The following ATRX variants were observed in gnomAD, a reference collection of about 807,000 sequenced individuals.
ATRX encodes ATRX chromatin remodeler.
A neutral mutation model predicts 172.6 loss-of-function variants in ATRX; 12 were observed. That is an observed-to-expected ratio of 0.07 (90% CI 0.04 to 0.11). ATRX has a LOEUF of 0.11. Ranked by LOEUF, ATRX falls within the 10% of genes least tolerant of loss-of-function variation. The pLI is 1.00. For missense variants in ATRX, 1,368 were observed against 1,767.4 expected, an observed-to-expected ratio of 0.77 and a Z score of 4.05; for synonymous variants, 674 against 594.7, an observed-to-expected ratio of 1.13 and a Z score of -1.94.
intron 19 of ATRX, among the ~76,000 whole-genome samples, chrX:77,624,161 C>T (rs925101557): frequency 5.4e-5 from 6 of 110,984 alleles, no homozygotes; most frequent in African/African-American, 2.0e-4. Flanking sequence ...GTCAGGAGAT[C>T]GAGACCATCC....
chrX:77,630,153 T>C (rs1278489589), intron 19 of ATRX, among the ~76,000 whole-genome samples: 1 of 111,619 alleles, frequency 9.0e-6, no homozygotes, highest in Non-Finnish European at 1.9e-5. Flanking sequence ...ATAAAATATT[T>C]AGGAATAAAT....
chrX:77,617,701 T>G (rs190462430), intron 21 of ATRX, among the ~76,000 whole-genome samples: 1 of 110,504 alleles, frequency 9.0e-6, no homozygotes, highest in East Asian at 2.8e-4. Flanking sequence ...CAATCATCCA[T>G]TTTTTTCTTA....
chrX:77,545,332 T>C (rs1411842408), intron 30 of ATRX, among the ~76,000 whole-genome samples: 2 of 111,884 alleles, frequency 1.8e-5, no homozygotes, highest in African/African-American at 6.5e-5. Context: ...GAAAAGGCAA[T>C]ATGAATTCCA....
chrX:77,735,032 C>T (rs2074478538), intron 1 of ATRX, among the ~76,000 whole-genome samples: 1 of 109,465 alleles, frequency 9.1e-6, no homozygotes, highest in South Asian at 3.9e-4. Context: ...GCAGAGGTTG[C>T]AGTGAGCCCA....
chrX:77,784,955 C>A (rs2076683741), intron 1 of ATRX, among the ~76,000 whole-genome samples: 1 of 111,848 alleles, frequency 8.9e-6, no homozygotes, highest in Non-Finnish European at 1.9e-5. Flanking sequence ...TTACTTAATT[C>A]ACATTGTGGG....
rs782609211 is a variant in ATRX, at chrX:77,772,149, T to A, written c.20+13833A>T. On this transcript the variant is annotated intron_variant, in intron 1 of 34. Transcript: ENST00000373344. ...GTCTCTACTAAAACTACAAAAAAAA[T>A]TAGCTGGGCACGGTGGCATACGCCT... Among the ~76,000 whole-genome samples the A allele has an allele frequency of 2.3e-3, 249 of 108,376 alleles. 1 individual carries two copies. Among genetic ancestry groups the A allele is most frequent in the Non-Finnish European group, 4.2e-3 (218 of 52,267 alleles). The allele number at this position is 108,376 out of a possible 115,157, so 94.1% of individuals were successfully genotyped here.
rs907150983 is a variant in ATRX at position 77,587,756 on chromosome X, C to T, written c.6217+2078G>A. On this transcript the variant is annotated intron_variant, in intron 27 of 34. Transcript: ENST00000373344. The stretch of plus-strand genomic sequence containing the variant: ...CTCAGCCTCAGAAATAAAATATGTA[C>T]AAATACATTTAACAAAAGTGTAAAA... 8.0e-5 allele frequency among the ~76,000 whole-genome samples: 9 copies of T among 112,163 alleles called. No individual in the cohort carries two copies. In the South Asian group the frequency reaches 1.8e-3, roughly 23 times the overall value.
chrX:77,780,080 A>G (rs1336435718), intron 1 of ATRX, among the ~76,000 whole-genome samples: 2 of 112,109 alleles, frequency 1.8e-5, no homozygotes, highest in African/African-American at 3.2e-5. Flanking sequence ...CTAAGCCACA[A>G]TAATTACCAA....
At chrX:77,733,851 T>C (rs982510521) in intron 1 of ATRX, among the ~76,000 whole-genome samples, 8 of 104,135 alleles carry the variant, frequency 7.7e-5, no homozygotes, top group Non-Finnish European at 1.6e-4. Context: ...ACCACTGCAC[T>C]CCAGCCTGGG....
rs199543136 is a variant in ATRX, at chrX:77,508,398, G to C, written c.7432C>G (p.Pro2478Ala). 8.3e-6 allele frequency: 10 copies of C among 1,209,423 alleles called. No individual in the cohort carries two copies. The highest frequency in any genetic ancestry group is 2.3e-4 in the Middle Eastern group (1 of 4,348). ...GGTCCTGGATTTTTGCTTCTCATTG[G>C]GGGTGGTGCACGCTGTAATGGTGGT... ...QPPPLQRAPPPMRSKNPGPSQ... is the reference protein window; with the variant it reads ...QPPPLQRAPPAMRSKNPGPSQ... The change falls in exon 35 of 35, where the codon CCA (proline) becomes GCA (alanine). Residue 2478 changes from proline to alanine, a missense_variant. By Grantham distance (27) the Pro-to-Ala change is conservative (BLOSUM62 -1). Coordinates refer to ENST00000373344, the MANE Select transcript of ATRX (RefSeq NM_000489.6).
chrX:77,724,071 G>C (rs138206784), intron 1 of ATRX, among the ~76,000 whole-genome samples: 1,701 of 110,848 alleles, frequency 0.015, 29 homozygotes, highest in African/African-American at 0.053. Flanking sequence ...TTGAGGTCAG[G>C]AGTTCCAGAC....
At chrX:77,524,637 G>C (rs1238857168) in intron 30 of ATRX, among the ~76,000 whole-genome samples, 2 of 110,513 alleles carry the variant, frequency 1.8e-5, no homozygotes, top group African/African-American at 6.6e-5. Context: ...TTAATATCTT[G>C]TAAACAACTT....
intron 1 of ATRX, among the ~76,000 whole-genome samples, chrX:77,778,326 T>C (rs1178153835): frequency 1.9e-5 from 2 of 107,589 alleles, no homozygotes; most frequent in African/African-American, 6.8e-5. Context: ...GAGGATCACT[T>C]GAGCCCGGGA....
At chrX:77,631,159 C>T (rs1233481949) in intron 19 of ATRX, among the ~76,000 whole-genome samples, 1 of 104,823 alleles carries the variant, frequency 9.5e-6, no homozygotes, top group Non-Finnish European at 1.9e-5. Context: ...GAGGACCTCA[C>T]CTTAAAAAAA....
intron 30 of ATRX, among the ~76,000 whole-genome samples, chrX:77,532,592 G>A (rs1228248707): frequency 8.9e-6 from 1 of 111,965 alleles, no homozygotes; most frequent in Non-Finnish European, 1.9e-5. Flanking sequence ...CAAGCCATAT[G>A]CAGAAAACTG....
At chrX:77,701,035 T>C (rs1464491509) in intron 2 of ATRX, among the ~76,000 whole-genome samples, 1 of 112,002 alleles carries the variant, frequency 8.9e-6, no homozygotes, top group East Asian at 2.8e-4. Flanking sequence ...ACATAAACTA[T>C]GCATTTGGGG....
intron 25 of ATRX, among the ~76,000 whole-genome samples, chrX:77,597,485 A>C (rs1373198501): frequency 9.3e-6 from 1 of 107,598 alleles, no homozygotes. Context: ...ACAAAATAAC[A>C]AAAAAAAAAC....
At position 77,505,708 on chromosome X, in the gene ATRX, C is replaced by A. The variant is rs782373142; in HGVS notation, c.*2643G>T. On this transcript the variant is annotated 3_prime_UTR_variant, in exon 35 of 35. Transcript: ENST00000373344. ...AAAGCTGTGAAAATACAATAAAGAG[C>A]ACAACACATTTTGGTCACTTTATTA... 15 of 172,265 alleles carry A rather than the reference C, an allele frequency of 8.7e-5. No individual in the cohort carries two copies. Among genetic ancestry groups the A allele is most frequent in the Non-Finnish European group, 1.3e-4 (12 of 90,111 alleles). 14.2% of individuals were successfully genotyped at this position (172,265 alleles called of 1,213,427 possible).
rs1372503062 is a variant in ATRX, at chrX:77,507,473, C to G, written c.*878G>C. 1 of 172,716 alleles carries G rather than the reference C, an allele frequency of 5.8e-6. No homozygotes were observed. The highest frequency in any genetic ancestry group is 1.1e-5 in the Non-Finnish European group (1 of 90,451). The allele number at this position is 172,716 out of a possible 1,213,427, so 14.2% of individuals were successfully genotyped here. A position where few individuals can be genotyped will look rare whatever the true frequency, so the allele number is the denominator to read the frequency against. The stretch of plus-strand genomic sequence containing the variant: ...AATGCTAGAACTTGATTTTCTAAGT[C>G]CACATCCCACTGCCAGCAACAGGAT... On this transcript the variant is annotated 3_prime_UTR_variant, in exon 35 of 35. Transcript: ENST00000373344.
Sources: allele counts gnomAD v4.1 joint callset (sites outside exome capture counted in the v4.1 genomes callset), GRCh38; gene constraint gnomAD v4.1.1; transcripts MANE v1.5; gene names NCBI Gene and HGNC (gene_info 2026-07-23, HGNC 2026-07-21).